The following CEMIP2 variants were observed in gnomAD, a reference collection of about 807,000 sequenced individuals.
CEMIP2 encodes cell surface hyaluronidase CEMIP2.
CEMIP2 carries 79 observed loss-of-function variants against 146.9 expected under a neutral mutation model. The observed-to-expected ratio is 0.54, with a 90% confidence interval of 0.45 to 0.65. The LOEUF is 0.65. Ranked by LOEUF, CEMIP2 falls within the 30% of genes least tolerant of loss-of-function variation. The probability of loss-of-function intolerance (pLI) is 0.00; values close to 1 mark genes in which losing one functional copy is unlikely to be tolerated. For synonymous variants in CEMIP2, 601 were observed against 606.3 expected (o/e 0.99, Z 0.13); for missense variants, 1,596 against 1,696.2 (o/e 0.94, Z 1.04).
intron 1 of CEMIP2, among the ~76,000 whole-genome samples, chr9:71,753,595 A>T (rs1336653242): frequency 6.6e-6 from 1 of 152,196 alleles, no homozygotes; most frequent in Non-Finnish European, 1.5e-5. Context: ...CAAATACAAG[A>T]TTCTTTTCAT....
At chr9:71,704,428 T>A in intron 18 of CEMIP2, 167 bp downstream of exon 18, 1 of 661,296 alleles carries the variant, frequency 1.5e-6, no homozygotes. Flanking sequence ...TCAATTTGTA[T>A]AATCTCTTTA....
chr9:71,704,447 A>C, intron 18 of CEMIP2, 148 bp downstream of exon 18: 1 of 744,596 alleles, frequency 1.3e-6, no homozygotes, highest in South Asian at 1.8e-5. Flanking sequence ...TAATTCCATC[A>C]ACACAAAATA....
At chr9:71,730,366 C>T in intron 8 of CEMIP2, 113 bp from the exon 9 acceptor site, 5 of 1,080,150 alleles carry the variant, frequency 4.6e-6, no homozygotes, top group Non-Finnish European at 6.7e-6. Context: ...AGGTTTGAAC[C>T]TTAGCAGAAT....
At chr9:71,740,872 A>T (rs1449239101) in intron 4 of CEMIP2, among the ~76,000 whole-genome samples, 1 of 152,214 alleles carries the variant, frequency 6.6e-6, no homozygotes, top group Non-Finnish European at 1.5e-5. Context: ...ACGCATCAGG[A>T]TCAACAGAAG....
At chr9:71,762,610 C>T (rs1824671035) in intron 1 of CEMIP2, among the ~76,000 whole-genome samples, 1 of 149,548 alleles carries the variant, frequency 6.7e-6, no homozygotes, top group African/African-American at 2.5e-5. Context: ...CAAGAAAAAA[C>T]ACTTGAAGAT....
At chr9:71,722,621 A>T (rs943956395) in intron 11 of CEMIP2, 106 bp from the exon 12 acceptor site, 1 of 866,022 alleles carries the variant, frequency 1.2e-6, no homozygotes, top group Non-Finnish European at 1.7e-6. Flanking sequence ...CTACCAAAAA[A>T]AGTGGGGCAG....
At chr9:71,728,231 C>CTCTCTCTATATATATATGTATATACACG (rs1554684626) in intron 10 of CEMIP2, among the ~76,000 whole-genome samples, 1 of 14,776 alleles carries the variant, frequency 6.8e-5, no homozygotes, top group African/African-American at 2.3e-4. Context: ...CTCTCTCTCT[C>CTCTCTCTATATATATATGTATATACACG]TATATATATA....
intron 10 of CEMIP2, among the ~76,000 whole-genome samples, chr9:71,728,217 C>A (rs1823450876): frequency 2.7e-5 from 1 of 37,114 alleles, no homozygotes; most frequent in South Asian, 9.9e-4. Context: ...CTCTCTCTCT[C>A]TCTCTCTCTC....
chr9:71,714,339 C>T (rs905216415), intron 15 of CEMIP2, among the ~76,000 whole-genome samples: 25 of 147,662 alleles, frequency 1.7e-4, no homozygotes, highest in Admixed American at 1.4e-4. Flanking sequence ...GCTTTGAAGA[C>T]GTGCTAAGTA....
At position 71,694,458 on chromosome 9, in the gene CEMIP2, A is replaced by G. The variant is rs1414698535; in HGVS notation, c.3696+51T>C. The stretch of plus-strand genomic sequence containing the variant: ...GTTTATAAGCTACCTAGTTTATGGC[A>G]TTTTGTTATACCACCTAGAACAGAC... On this transcript the variant is annotated intron_variant, in intron 21 of 23. Transcript: ENST00000377044. 4.1e-6 allele frequency: 6 copies of G among 1,458,000 alleles called. No homozygotes were observed. The African/African-American group carries it at 8.4e-5, about 20-fold the overall frequency. The allele number at this position is 1,458,000 out of a possible 1,614,324, so 90.3% of individuals were successfully genotyped here.
In CEMIP2 at chr9:71,746,188, A is replaced by C; in HGVS notation, c.472+13T>G. On this transcript the variant is annotated intron_variant, in intron 3 of 23. Transcript: ENST00000377044. ...CAACCTTGCAGTTCCCATAGGCAGG[A>C]ACCATTACCTACCTCCATCCTGAAT... 1.2e-6 allele frequency: 2 copies of C among 1,612,206 alleles called. No homozygotes were observed. The highest frequency in any genetic ancestry group is 1.7e-6 in the Non-Finnish European group (2 of 1,178,934).
chr9:71,702,941 C>A (rs1779868305), intron 18 of CEMIP2, among the ~76,000 whole-genome samples: 1 of 152,180 alleles, frequency 6.6e-6, no homozygotes, highest in African/African-American at 2.4e-5. Flanking sequence ...ACCTCCAATT[C>A]ATAATTCTGC....
Position 71,745,278 on chromosome 9 carries a change from G to A in CEMIP2, c.774C>T (p.Thr258=). ...GGCCCCGGGAAAAGTCCTTTTCAAAGGTATAGGACCCAAAGGGCAAGCCTG... is the reference window on the plus strand; with the variant it reads ...GGCCCCGGGAAAAGTCCTTTTCAAAAGTATAGGACCCAAAGGGCAAGCCTG... The part of the protein sequence containing the change: ...NSSGLPFGSY[T]FEKDFSRGLN... Residue 258 remains threonine (T), a synonymous_variant, in exon 4 of 24, where the codon ACC becomes ACT. Transcript: ENST00000377044. The A allele has an allele frequency of 6.2e-7, 1 of 1,614,038 alleles. No individual in the cohort carries two copies. Among genetic ancestry groups the A allele is most frequent in the Non-Finnish European group, 8.5e-7 (1 of 1,180,008 alleles).
intron 10 of CEMIP2, 123 bp downstream of exon 10, chr9:71,729,722 G>C: frequency 3.4e-6 from 3 of 875,828 alleles, no homozygotes; most frequent in Non-Finnish European, 5.6e-6. Flanking sequence ...TAAACAAGTA[G>C]TACCAGAAAA....
chr9:71,722,116 C>T (rs959705979), intron 12 of CEMIP2, among the ~76,000 whole-genome samples: 14 of 152,204 alleles, frequency 9.2e-5, no homozygotes, highest in African/African-American at 3.4e-4. Context: ...ATGAATCATA[C>T]TGCACACCAA....
At chr9:71,762,543 T>C (rs956077006) in intron 1 of CEMIP2, among the ~76,000 whole-genome samples, 6 of 129,890 alleles carry the variant, frequency 4.6e-5, no homozygotes, top group African/African-American at 1.7e-4. Flanking sequence ...AGCAGCAGCA[T>C]AACAGGCAAA....
chr9:71,755,759 C>G (rs1248643393), intron 1 of CEMIP2, among the ~76,000 whole-genome samples: 2 of 151,674 alleles, frequency 1.3e-5, no homozygotes, highest in Non-Finnish European at 2.9e-5. Context: ...GAGTTCGAGA[C>G]TAGCCTGGGC....
intron 1 of CEMIP2, among the ~76,000 whole-genome samples, chr9:71,754,331 T>C (rs1306902679): frequency 2.0e-5 from 3 of 152,204 alleles, no homozygotes; most frequent in Non-Finnish European, 2.9e-5. Flanking sequence ...AAGTTGTTAG[T>C]ACTTGTGTTT....
intron 20 of CEMIP2, chr9:71,697,777 C>T (rs761190661): frequency 1.7e-5 from 9 of 540,092 alleles, no homozygotes; most frequent in Non-Finnish European, 2.9e-5. Flanking sequence ...GGTAAACTGA[C>T]GTATCACAGG....
Sources: allele counts gnomAD v4.1 joint callset (sites outside exome capture counted in the v4.1 genomes callset), GRCh38; gene constraint gnomAD v4.1.1; transcripts MANE v1.5; gene names NCBI Gene and HGNC (gene_info 2026-07-23, HGNC 2026-07-21).